Variants in HPSE2 observed in about 807,000 individuals in gnomAD.
The protein encoded by HPSE2 is inactive heparanase-2.
Under a neutral mutation model 60.5 loss-of-function variants are expected in HPSE2, and 38 were observed. The ratio of observed to expected loss-of-function variants is 0.63; its 90% CI spans 0.48 to 0.82. The LOEUF (loss-of-function observed/expected upper bound fraction) is 0.82, where lower values mean the gene tolerates loss of function less well. Ranked by LOEUF, HPSE2 falls within the 40% of genes least tolerant of loss-of-function variation. The probability of loss-of-function intolerance (pLI) is 0.00; values close to 1 mark genes in which losing one functional copy is unlikely to be tolerated. For missense variants in HPSE2, 713 were observed against 740.4 expected, an observed-to-expected ratio of 0.96 and a Z score of 0.43; for synonymous variants, 295 against 293.2, an observed-to-expected ratio of 1.01 and a Z score of -0.06.
intron 5 of HPSE2, among the ~76,000 whole-genome samples, chr10:98,716,348 A>G (rs111752220): frequency 1.8e-4 from 28 of 152,116 alleles, no homozygotes; most frequent in African/African-American, 6.7e-4. Flanking sequence ...TTCATCTAGC[A>G]TTAGGTGCAG....
rs1242412485 is a variant in HPSE2, at chr10:98,941,654, C to T, written c.611-197598G>A. Among the ~76,000 whole-genome samples the T allele has an allele frequency of 1.5e-5, 2 of 136,186 alleles. 1 individual carries two copies. Among genetic ancestry groups the T allele is most frequent in the African/African-American group, 6.2e-5 (2 of 32,044 alleles). The allele number at this position is 136,186 out of a possible 152,430, so 89.3% of individuals were successfully genotyped here. On this transcript the variant is annotated intron_variant, in intron 3 of 11. Coordinates refer to ENST00000370552, the MANE Select transcript of HPSE2 (RefSeq NM_021828.5). ...AATATCGTGAAAATGGCCATACTGC[C>T]CAAGGTAATTTATAGATTCAATGCC...
At chr10:99,047,683 A>G in intron 3 of HPSE2, 1 of 807,626 alleles carries the variant, frequency 1.2e-6, no homozygotes, top group Non-Finnish European at 2.2e-6. Context: ...CTGCTGTGCC[A>G]GAAACCCTTA....
At chr10:98,745,781 T>C (rs1949614724) in intron 3 of HPSE2, among the ~76,000 whole-genome samples, 1 of 152,170 alleles carries the variant, frequency 6.6e-6, no homozygotes, top group South Asian at 2.1e-4. Context: ...TACGTTATCC[T>C]AGTAGCCGTT....
At chr10:98,761,823 T>C (rs1191552651) in intron 3 of HPSE2, among the ~76,000 whole-genome samples, 1 of 152,114 alleles carries the variant, frequency 6.6e-6, no homozygotes, top group African/African-American at 2.4e-5. Flanking sequence ...TTACCTCCAG[T>C]CTTTGACTAA....
At chr10:98,629,460 G>C (rs367748759) in intron 7 of HPSE2, among the ~76,000 whole-genome samples, 5 of 152,150 alleles carry the variant, frequency 3.3e-5, no homozygotes, top group African/African-American at 1.2e-4. Context: ...AAGTGGTCAA[G>C]GCGAGAGCTC....
chr10:99,100,964 GC>G (rs1843949083), intron 3 of HPSE2, among the ~76,000 whole-genome samples: 1 of 152,232 alleles, frequency 6.6e-6, no homozygotes, highest in African/African-American at 2.4e-5. Context: ...CACCAGGCCT[GC>G]CCTAAAAGAG....
intron 3 of HPSE2, among the ~76,000 whole-genome samples, chr10:98,888,135 A>AACACACACACAC (rs3043548): frequency 0.01 from 1,444 of 140,774 alleles, 23 homozygotes; most frequent in East Asian, 0.07. Context: ...TTTTAAAACA[A>AACACACACACAC]ACACACACAC....
At chr10:98,894,421 A>T (rs567705931) in intron 3 of HPSE2, among the ~76,000 whole-genome samples, 3 of 152,174 alleles carry the variant, frequency 2.0e-5, no homozygotes, top group African/African-American at 7.2e-5. Flanking sequence ...AAAATGAATC[A>T]AACAGAACTT....
chr10:98,737,276 T>C (rs1385996304), intron 4 of HPSE2, among the ~76,000 whole-genome samples: 1 of 93,116 alleles, frequency 1.1e-5, no homozygotes, highest in Non-Finnish European at 2.2e-5. Flanking sequence ...ATTTATATAT[T>C]AAACATAAAG....
intron 3 of HPSE2, among the ~76,000 whole-genome samples, chr10:99,033,108 C>T (rs1320648066): frequency 2.0e-5 from 3 of 152,078 alleles, no homozygotes; most frequent in African/African-American, 4.8e-5. Context: ...TACTACAACA[C>T]TGAAGTTTCA....
intron 9 of HPSE2, among the ~76,000 whole-genome samples, chr10:98,518,479 G>A (rs1329444907): frequency 6.6e-6 from 1 of 152,158 alleles, no homozygotes; most frequent in Non-Finnish European, 1.5e-5. Flanking sequence ...GCTGAGGCAG[G>A]TGGATCACTT....
chr10:98,858,031 A>C (rs1952360147), intron 3 of HPSE2, among the ~76,000 whole-genome samples: 1 of 152,212 alleles, frequency 6.6e-6, no homozygotes, highest in Non-Finnish European at 1.5e-5. Flanking sequence ...AATAGCTATC[A>C]AGTATCATAC....
At chr10:99,132,213 GA>G (rs1845451741) in intron 3 of HPSE2, among the ~76,000 whole-genome samples, 1 of 21,438 alleles carries the variant, frequency 4.7e-5, no homozygotes, top group African/African-American at 7.2e-5. Flanking sequence ...GAGAGAGAGA[GA>G]GAGAGAGAGA....
chr10:98,506,524 G>A (rs553528484), intron 9 of HPSE2, among the ~76,000 whole-genome samples: 2 of 152,042 alleles, frequency 1.3e-5, no homozygotes, highest in Admixed American at 6.5e-5. Context: ...ACAGCTCATC[G>A]CAGCCTCGAC....
At chr10:98,915,776 A>G (rs1461704071) in intron 3 of HPSE2, among the ~76,000 whole-genome samples, 1 of 152,230 alleles carries the variant, frequency 6.6e-6, no homozygotes, top group Non-Finnish European at 1.5e-5. Flanking sequence ...GAAAAGAAAG[A>G]GCATGCGGAA....
At chr10:98,545,577 A>T (rs1191996447) in intron 9 of HPSE2, among the ~76,000 whole-genome samples, 1 of 152,242 alleles carries the variant, frequency 6.6e-6, no homozygotes, top group Non-Finnish European at 1.5e-5. Context: ...CAATAGATGC[A>T]GAAAAGGCCT....
intron 7 of HPSE2, among the ~76,000 whole-genome samples, chr10:98,636,008 G>A (rs1411242451): frequency 6.6e-6 from 1 of 152,134 alleles, no homozygotes; most frequent in African/African-American, 2.4e-5. Flanking sequence ...GAGTAAAACA[G>A]TGGTTACTAA....
At chr10:98,691,991 T>C (rs1948088350) in intron 6 of HPSE2, among the ~76,000 whole-genome samples, 1 of 152,072 alleles carries the variant, frequency 6.6e-6, no homozygotes. Context: ...TAAGTGCCAT[T>C]ATGGTAGAAG....
chr10:99,112,342 C>T (rs988103835), intron 3 of HPSE2, among the ~76,000 whole-genome samples: 7 of 152,192 alleles, frequency 4.6e-5, no homozygotes, highest in Admixed American at 4.6e-4. Flanking sequence ...TGGGTTCACA[C>T]CATTCTCCTG....
Sources: gnomAD v4.1 joint callset for allele counts (sites outside exome capture counted in the v4.1 genomes callset) on GRCh38, gnomAD v4.1.1 for gene constraint, MANE v1.5 for transcripts, NCBI Gene and HGNC (gene_info 2026-07-23, HGNC 2026-07-21) for gene names.